Variants in KIFBP observed in about 807,000 individuals in gnomAD.
KIFBP encodes KIF-binding protein.
KIFBP carries 46 observed loss-of-function variants against 58.9 expected under a neutral mutation model. The ratio of observed to expected loss-of-function variants is 0.78; its 90% CI spans 0.62 to 1.00. KIFBP has a LOEUF of 1.00. Among genes scored for constraint, KIFBP ranks in the 50% least tolerant of loss-of-function variants. The probability of loss-of-function intolerance (pLI) is 0.00; values close to 1 mark genes in which losing one functional copy is unlikely to be tolerated. For missense variants in KIFBP, 651 were observed against 752.9 expected, an observed-to-expected ratio of 0.86 and a Z score of 1.58; for synonymous variants, 241 against 283.4, an observed-to-expected ratio of 0.85 and a Z score of 1.50.
intron 5 of KIFBP, 38 bp from the exon 6 acceptor site, chr10:69,010,862 G>T: frequency 1.5e-6 from 2 of 1,341,726 alleles, no homozygotes; most frequent in Non-Finnish European, 2.1e-6. Context: ...AATTACAGTT[G>T]TGACCATTAA....
chr10:69,011,752 T>G (rs1017311440), intron 6 of KIFBP, among the ~76,000 whole-genome samples: 1 of 131,350 alleles, frequency 7.6e-6, no homozygotes, highest in African/African-American at 2.9e-5. Flanking sequence ...TGGAGTGCAG[T>G]GGTGTGATCG....
chr10:69,012,622 C>T (rs950864630), intron 6 of KIFBP, among the ~76,000 whole-genome samples: 15 of 151,792 alleles, frequency 9.9e-5, no homozygotes, highest in African/African-American at 3.6e-4. Flanking sequence ...CCAGGTACAG[C>T]GCCTCATGCC....
intron 2 of KIFBP, among the ~76,000 whole-genome samples, chr10:69,002,929 T>TG (rs149933464): frequency 0.011 from 1,522 of 143,762 alleles, 27 homozygotes; most frequent in African/African-American, 0.037. Flanking sequence ...ATGTAAAAGC[T>TG]GAACACGGTG....
chr10:68,988,881 C>G lies in KIFBP; in HGVS notation c.49C>G (p.Leu17Val), dbSNP rs1589292346. The G allele has an allele frequency of 1.9e-6, 3 of 1,614,272 alleles. No homozygotes were observed. Among genetic ancestry groups the G allele is most frequent in the Non-Finnish European group, 2.5e-6 (3 of 1,180,048 alleles). ...GGTCTGCGAGAAATTCCAGGCGGCG[C>G]TCGCTCTGTCGCGGGTGGAACTGCA... ...AEVCEKFQAA[L>V]ALSRVELHKN... The change falls in exon 1 of 7, where the codon CTC becomes GTC. Residue 17 changes from leucine to valine, a missense_variant. Physicochemically the swap from Leu to Val is conservative, Grantham distance 32 (BLOSUM62 1). Coordinates refer to ENST00000361983, the MANE Select transcript of KIFBP (RefSeq NM_015634.4).
At chr10:69,014,711 T>TG in intron 6 of KIFBP, among the ~76,000 whole-genome samples, 1 of 135,320 alleles carries the variant, frequency 7.4e-6, no homozygotes, top group African/African-American at 2.8e-5. Context: ...TTTCTTTTTT[T>TG]ATTTGCCCCC....
chr10:69,000,413 T>G lies in KIFBP; in HGVS notation c.427-11T>G, dbSNP rs1359552261. ...TATCATTGTTTGTTTCTCTTTTTCT[T>G]TATTTTCCAGAATAACCTGGGTATC... On this transcript the variant is annotated splice_polypyrimidine_tract_variant and intron_variant, in intron 1 of 6. Coordinates refer to ENST00000361983, the MANE Select transcript of KIFBP (RefSeq NM_015634.4). The G allele has an allele frequency of 1.9e-6, 3 of 1,566,428 alleles. No individual in the cohort carries two copies. The African/African-American group carries it at 4.1e-5, about 21-fold the overall frequency.
At chr10:69,015,343 T>C (rs373903747) in intron 6 of KIFBP, 198 bp from the exon 7 acceptor site, 43 of 557,476 alleles carry the variant, frequency 7.7e-5, no homozygotes, top group African/African-American at 1.9e-4. Context: ...TACTTTTTTT[T>C]CCACATTTCT....
At chr10:69,015,226 T>C (rs2132119309) in intron 6 of KIFBP, 1 of 300,512 alleles carries the variant, frequency 3.3e-6, no homozygotes, top group South Asian at 3.8e-5. Flanking sequence ...TGTTTCACAA[T>C]TCTCAAAGTA....
chr10:69,002,140 T>C (rs1048664398), intron 2 of KIFBP, among the ~76,000 whole-genome samples: 22 of 150,344 alleles, frequency 1.5e-4, no homozygotes, highest in Non-Finnish European at 3.1e-4. Context: ...TACTCCAGCC[T>C]GGGTGACAGA....
At chr10:69,008,217 A>C (rs1395710128) in intron 4 of KIFBP, among the ~76,000 whole-genome samples, 4 of 151,168 alleles carry the variant, frequency 2.6e-5, no homozygotes, top group African/African-American at 9.8e-5. Flanking sequence ...TCAGGCCAGG[A>C]GTTGGAGACC....
intron 1 of KIFBP, among the ~76,000 whole-genome samples, chr10:68,995,905 C>T (rs938567635): frequency 6.6e-6 from 1 of 152,066 alleles, no homozygotes; most frequent in African/African-American, 2.4e-5. Context: ...TGGCTGTAAT[C>T]CCAGCACTTT....
intron 4 of KIFBP, among the ~76,000 whole-genome samples, chr10:69,008,391 A>AAAAATATATATATATATATAT: frequency 3.9e-4 from 28 of 71,564 alleles, no homozygotes; most frequent in African/African-American, 1.9e-3. Flanking sequence ...AAAAAAAAAA[A>AAAAATATATATATATATATAT]ATATATATAT....
intron 1 of KIFBP, among the ~76,000 whole-genome samples, chr10:68,997,756 T>G (rs1295109729): frequency 6.6e-6 from 1 of 152,150 alleles, no homozygotes; most frequent in Non-Finnish European, 1.5e-5. Flanking sequence ...TGATAGACAG[T>G]GCTTGGGAAA....
chr10:68,996,497 G>T (rs1564634648), intron 1 of KIFBP, among the ~76,000 whole-genome samples: 1 of 152,128 alleles, frequency 6.6e-6, no homozygotes, highest in Non-Finnish European at 1.5e-5. Context: ...GGAGGTAGAG[G>T]TTGCAGTGAG....
In KIFBP at chr10:69,004,135, G is replaced by A. The variant is rs184022368; in HGVS notation, c.526-911G>A. ...CCCAGGAGGTTAAGGCAGGTGAATC[G>A]CTTGAACCCGGGAGGCGGAGGTTGC... On this transcript the variant is annotated intron_variant, in intron 2 of 6. Coordinates refer to ENST00000361983, the MANE Select transcript of KIFBP (RefSeq NM_015634.4). 6.0e-5 allele frequency among the ~76,000 whole-genome samples: 9 copies of A among 149,092 alleles called. No homozygotes were observed. In the South Asian group the frequency reaches 1.1e-3, roughly 17 times the overall value.
At chr10:69,007,839 G>C (rs997263899) in intron 4 of KIFBP, 4 of 152,130 alleles carry the variant, frequency 2.6e-5, no homozygotes, top group African/African-American at 7.2e-5. Flanking sequence ...CTGCTGGGTG[G>C]TCCTTTGACT....
rs374709546 is a variant in KIFBP at position 69,014,003 on chromosome 10, G to A, written c.991-1538G>A. On this transcript the variant is annotated intron_variant, in intron 6 of 6. Transcript: ENST00000361983. ...TGAGCTCAAGCGATCCACCCACGTCGGCCTCCCAAAGTGCTGGGATTACAG... is the reference window on the plus strand; with the variant it reads ...TGAGCTCAAGCGATCCACCCACGTCAGCCTCCCAAAGTGCTGGGATTACAG... 3.3e-5 allele frequency among the ~76,000 whole-genome samples: 5 copies of A among 152,026 alleles called. No individual in the cohort carries two copies. The East Asian group carries it at 5.8e-4, about 18-fold the overall frequency.
At chr10:69,006,596 C>T (rs1167392159) in intron 4 of KIFBP, among the ~76,000 whole-genome samples, 1 of 152,154 alleles carries the variant, frequency 6.6e-6, no homozygotes, top group Non-Finnish European at 1.5e-5. Context: ...AATAATTTTA[C>T]ACCACCTTTT....
At chr10:69,007,889 C>T (rs1407049321) in intron 4 of KIFBP, 2 of 152,132 alleles carry the variant, frequency 1.3e-5, no homozygotes, top group Non-Finnish European at 1.5e-5. Context: ...ACAAGGAGAT[C>T]TTCTCTAATT....
Sources: gnomAD v4.1 joint callset for allele counts (sites outside exome capture counted in the v4.1 genomes callset) on GRCh38, gnomAD v4.1.1 for gene constraint, MANE v1.5 for transcripts, NCBI Gene and HGNC (gene_info 2026-07-23, HGNC 2026-07-21) for gene names.